The following MTHFD2L variants were observed in gnomAD, a reference collection of about 807,000 sequenced individuals.
The protein encoded by MTHFD2L is methylenetetrahydrofolate dehydrogenase (NADP+ dependent) 2 like.
MTHFD2L carries 29 observed loss-of-function variants against 34.9 expected under a neutral mutation model. That is an observed-to-expected ratio of 0.83 (90% CI 0.62 to 1.13). The LOEUF (loss-of-function observed/expected upper bound fraction) is 1.13. Among genes scored for constraint, MTHFD2L ranks in the 50% most tolerant of loss-of-function variants. MTHFD2L has a pLI of 0.00. For missense variants in MTHFD2L, 481 were observed against 446.5 expected, an observed-to-expected ratio of 1.08 and a Z score of -0.70; for synonymous variants, 167 against 155.7, an observed-to-expected ratio of 1.07 and a Z score of -0.54.
intron 6 of MTHFD2L, among the ~76,000 whole-genome samples, chr4:74,246,722 T>G (rs1465406264): frequency 6.6e-6 from 1 of 152,156 alleles, no homozygotes; most frequent in Non-Finnish European, 1.5e-5. Context: ...CCAGCACCAT[T>G]TATTAAATAG....
In MTHFD2L at chr4:74,175,273, T is replaced by G. The variant is rs936922821; in HGVS notation, c.329-8T>G. On this transcript the variant is annotated splice_region_variant and splice_polypyrimidine_tract_variant and intron_variant, in intron 2 of 7. Coordinates refer to ENST00000325278, the MANE Select transcript of MTHFD2L (RefSeq NM_001144978.3). The stretch of plus-strand genomic sequence containing the variant: ...TCAAGTGACCTTCTCTACCTGTTTT[T>G]CTTCTAGGTATTTGTAGTGAGCTCA... The G allele has an allele frequency of 6.2e-7, 1 of 1,610,436 alleles. No individual in the cohort carries two copies. Among genetic ancestry groups the G allele is most frequent in the African/African-American group, 1.3e-5 (1 of 74,824 alleles).
chr4:74,117,064 T>G (rs1390488513), intron 2 of MTHFD2L, among the ~76,000 whole-genome samples: 1 of 152,226 alleles, frequency 6.6e-6, no homozygotes, highest in Non-Finnish European at 1.5e-5. Flanking sequence ...ACTCCTTTGA[T>G]CTTGAGGCCT....
intron 7 of MTHFD2L, among the ~76,000 whole-genome samples, chr4:74,301,078 C>T (rs1182539969): frequency 6.6e-6 from 1 of 152,048 alleles, no homozygotes; most frequent in Non-Finnish European, 1.5e-5. Context: ...CCCACTGAAT[C>T]TGTATGGCTT....
chr4:74,271,867 C>T (rs1446604719), intron 6 of MTHFD2L, among the ~76,000 whole-genome samples: 1 of 151,388 alleles, frequency 6.6e-6, no homozygotes, highest in African/African-American at 2.4e-5. Context: ...TTGTAGTTGT[C>T]CTTGAAGAGG....
chr4:74,151,882 C>T (rs1338384699), intron 1 of MTHFD2L, among the ~76,000 whole-genome samples: 11 of 152,070 alleles, frequency 7.2e-5, no homozygotes, highest in Admixed American at 7.2e-4. Context: ...CCTACAGGTT[C>T]ATTGTTAGGA....
intron 4 of MTHFD2L, among the ~76,000 whole-genome samples, chr4:74,200,305 C>G (rs1734207975): frequency 6.6e-6 from 1 of 151,866 alleles, no homozygotes; most frequent in African/African-American, 2.4e-5. Flanking sequence ...GAGCAAGACT[C>G]TGTCTCAAAA....
intron 5 of MTHFD2L, among the ~76,000 whole-genome samples, chr4:74,203,777 T>C (rs1028042673): frequency 5.3e-5 from 8 of 152,162 alleles, no homozygotes; most frequent in Non-Finnish European, 2.9e-5. Flanking sequence ...GGGATTACAA[T>C]TGAAAGTGAG....
At chr4:74,236,527 G>A (rs1360840413) in intron 6 of MTHFD2L, among the ~76,000 whole-genome samples, 1 of 152,164 alleles carries the variant, frequency 6.6e-6, no homozygotes, top group East Asian at 1.9e-4. Context: ...CTTCACACTT[G>A]TGGTATCCAT....
intron 3 of MTHFD2L, among the ~76,000 whole-genome samples, chr4:74,185,652 C>T (rs1050097196): frequency 6.6e-6 from 1 of 152,074 alleles, no homozygotes; most frequent in Non-Finnish European, 1.5e-5. Context: ...TTCTCAGTAA[C>T]ATTATCCCAA....
chr4:74,177,938 C>T (rs1729366218), intron 3 of MTHFD2L, among the ~76,000 whole-genome samples: 1 of 151,892 alleles, frequency 6.6e-6, no homozygotes, highest in African/African-American at 2.4e-5. Flanking sequence ...AGAATGAAAT[C>T]CTGTCATTTG....
At chr4:74,241,911 A>T (rs1419261465) in intron 6 of MTHFD2L, 2 of 154,580 alleles carry the variant, frequency 1.3e-5, no homozygotes, top group Non-Finnish European at 2.9e-5. Context: ...GATTCCATTT[A>T]TATAGCATTC....
intron 1 of MTHFD2L, among the ~76,000 whole-genome samples, chr4:74,149,955 G>C (rs1578259793): frequency 6.6e-6 from 1 of 152,140 alleles, no homozygotes; most frequent in South Asian, 2.1e-4. Context: ...ATCAAATCAT[G>C]AGGCCTTTAG....
intron 7 of MTHFD2L, among the ~76,000 whole-genome samples, chr4:74,295,174 C>T (rs1282999387): frequency 6.6e-6 from 1 of 152,088 alleles, no homozygotes; most frequent in African/African-American, 2.4e-5. Context: ...CCCCATATAG[C>T]CCATGATCAC....
intron 1 of MTHFD2L, among the ~76,000 whole-genome samples, chr4:74,129,238 G>C (rs551704905): frequency 2.0e-5 from 3 of 152,158 alleles, no homozygotes; most frequent in African/African-American, 7.2e-5. Flanking sequence ...TCTGGCTCAA[G>C]CAGACCTAAT....
At chr4:74,121,804 A>G (rs1489421743), upstream of MTHFD2L, among the ~76,000 whole-genome samples, 1 of 151,512 alleles carries the variant, frequency 6.6e-6, no homozygotes, top group Non-Finnish European at 1.5e-5. Context: ...AATTATCCCT[A>G]AAGCATCCCC....
intron 6 of MTHFD2L, among the ~76,000 whole-genome samples, chr4:74,253,698 T>C (rs1342113545): frequency 6.6e-6 from 1 of 151,970 alleles, no homozygotes; most frequent in Non-Finnish European, 1.5e-5. Flanking sequence ...TAACCCAGGC[T>C]TGCTCATGCT....
intron 1 of MTHFD2L, chr4:74,143,320 T>C (rs974028698): frequency 5.6e-6 from 4 of 709,142 alleles, no homozygotes; most frequent in South Asian, 6.4e-5. Context: ...AGTTTTCATA[T>C]GGCTGGTGAC....
At chr4:74,218,537 G>A (rs1018548162) in intron 5 of MTHFD2L, among the ~76,000 whole-genome samples, 2 of 151,920 alleles carry the variant, frequency 1.3e-5, no homozygotes, top group Non-Finnish European at 2.9e-5. Flanking sequence ...ATCATTTATT[G>A]ATTATTGAAT....
At chr4:74,254,529 T>C (rs966999116) in intron 6 of MTHFD2L, among the ~76,000 whole-genome samples, 3 of 145,650 alleles carry the variant, frequency 2.1e-5, no homozygotes, top group African/African-American at 7.6e-5. Flanking sequence ...CAACTAAGTA[T>C]AATATATCAG....
Sources: gnomAD v4.1 joint callset for allele counts (sites outside exome capture counted in the v4.1 genomes callset) on GRCh38, gnomAD v4.1.1 for gene constraint, MANE v1.5 for transcripts, NCBI Gene and HGNC (gene_info 2026-07-23, HGNC 2026-07-21) for gene names.